Variants in ZFPM1 observed in about 807,000 individuals in gnomAD.
ZFPM1 encodes the protein zinc finger protein, FOG family member 1.
A neutral mutation model predicts 46.3 loss-of-function variants in ZFPM1; 28 were observed. The ratio of observed to expected loss-of-function variants is 0.60; its 90% CI spans 0.45 to 0.83. The LOEUF is 0.83. ZFPM1 is among the 40% of genes least tolerant of loss of function. The pLI is 0.00. For synonymous variants in ZFPM1, 957 were observed against 675.9 expected (o/e 1.42, Z -6.45); for missense variants, 1,878 against 1,432.4 (o/e 1.31, Z -5.02).
At chr16:88,485,437 G>C (rs894923610) in intron 1 of ZFPM1, among the ~76,000 whole-genome samples, 1 of 144,740 alleles carries the variant, frequency 6.9e-6, no homozygotes, top group African/African-American at 2.5e-5. Context: ...AGAATCATCA[G>C]GTCTTTTTTT....
At chr16:88,524,811 G>A (rs1219304197) in intron 4 of ZFPM1, among the ~76,000 whole-genome samples, 1 of 152,210 alleles carries the variant, frequency 6.6e-6, no homozygotes, top group African/African-American at 2.4e-5. Flanking sequence ...CCGCCCCTCT[G>A]TCCCCCCAAC....
intron 3 of ZFPM1, among the ~76,000 whole-genome samples, chr16:88,504,659 TG>T (rs1305578771): frequency 3.3e-5 from 5 of 152,126 alleles, no homozygotes; most frequent in Non-Finnish European, 1.5e-5. Context: ...ATGGCCCCCC[TG>T]TGTACCGTGG....
At chr16:88,468,891 T>C (rs1908284241) in intron 1 of ZFPM1, 1 of 152,944 alleles carries the variant, frequency 6.5e-6, no homozygotes, top group African/African-American at 2.4e-5. Flanking sequence ...GGGAGACCTC[T>C]GCCACCACCA....
chr16:88,453,702 C>T, intron 1 of ZFPM1, 24 bp downstream of exon 1: 1 of 1,185,944 alleles, frequency 8.4e-7, no homozygotes, highest in Non-Finnish European at 1.1e-6. Context: ...TGCCCGCGGT[C>T]CCCTCCGCGC....
At chr16:88,522,264 A>C (rs573185011) in intron 4 of ZFPM1, 1 of 152,376 alleles carries the variant, frequency 6.6e-6, no homozygotes, top group African/African-American at 2.4e-5. Flanking sequence ...TGGTCGAGGG[A>C]GACAGAGGCA....
chr16:88,505,000 G>A (rs561774146), intron 3 of ZFPM1, among the ~76,000 whole-genome samples: 1 of 152,358 alleles, frequency 6.6e-6, no homozygotes, highest in Admixed American at 6.5e-5. Flanking sequence ...GCCATTAGCT[G>A]GGGCCAGGGT....
chr16:88,473,977 A>G (rs1259623675), intron 1 of ZFPM1, among the ~76,000 whole-genome samples: 1 of 152,054 alleles, frequency 6.6e-6, no homozygotes, highest in Admixed American at 6.5e-5. Context: ...ATCAGTGGCT[A>G]TCAGGCCCAT....
At chr16:88,481,074 A>G (rs1326485639) in intron 1 of ZFPM1, among the ~76,000 whole-genome samples, 2 of 152,198 alleles carry the variant, frequency 1.3e-5, no homozygotes, top group African/African-American at 4.8e-5. Flanking sequence ...CCAATCAAAT[A>G]GCTATTATGT....
chr16:88,498,446 G>C (rs1317147601), intron 3 of ZFPM1, among the ~76,000 whole-genome samples: 2 of 152,244 alleles, frequency 1.3e-5, no homozygotes, highest in Non-Finnish European at 2.9e-5. Flanking sequence ...CCCGGGAGCA[G>C]TTAAGAGAAG....
chr16:88,455,378 G>C (rs1003265897), intron 1 of ZFPM1, among the ~76,000 whole-genome samples: 2 of 152,106 alleles, frequency 1.3e-5, no homozygotes, highest in Non-Finnish European at 2.9e-5. Context: ...TGCGGCCCGG[G>C]ACCGGGGCAG....
At chr16:88,477,828 C>T (rs1908753565) in intron 1 of ZFPM1, among the ~76,000 whole-genome samples, 1 of 152,268 alleles carries the variant, frequency 6.6e-6, no homozygotes, top group South Asian at 2.1e-4. Flanking sequence ...GGCCCCTGCA[C>T]AGCAGCCACC....
chr16:88,533,182 C>T lies in ZFPM1; in HGVS notation c.1224C>T (p.Ala408=). 1 of 1,527,218 alleles carries T rather than the reference C, an allele frequency of 6.5e-7. No homozygotes were observed. Among genetic ancestry groups the T allele is most frequent in the South Asian group, 1.3e-5 (1 of 79,148 alleles). 94.6% of individuals were successfully genotyped at this position (1,527,218 alleles called of 1,614,324 possible). ...GCAGCTTCCAGCAGCAGCACACGGCCCTGCAAGGCCCCCTGGCCTCCGCGG... is the reference window on the plus strand; with the variant it reads ...GCAGCTTCCAGCAGCAGCACACGGCTCTGCAAGGCCCCCTGGCCTCCGCGG... ...SLGSFQQQHT[A]LQGPLASADL... is the part of the protein sequence containing the mutation. The change falls in exon 10 of 10, where the codon GCC becomes GCT. Residue 408 remains alanine, a synonymous_variant. Coordinates refer to ENST00000319555, the MANE Select transcript of ZFPM1 (RefSeq NM_153813.3).
intron 1 of ZFPM1, among the ~76,000 whole-genome samples, chr16:88,483,710 T>C (rs1284983573): frequency 6.6e-6 from 1 of 152,144 alleles, no homozygotes; most frequent in African/African-American, 2.4e-5. Flanking sequence ...CACCCCTGCA[T>C]CCTGGAACGG....
chr16:88,461,601 A>C (rs1907894295), intron 1 of ZFPM1, among the ~76,000 whole-genome samples: 1 of 152,138 alleles, frequency 6.6e-6, no homozygotes, highest in Non-Finnish European at 1.5e-5. Context: ...TCCTAGGGAC[A>C]CGTCTGTGAG....
At chr16:88,512,791 C>A (rs1027288467) in intron 3 of ZFPM1, among the ~76,000 whole-genome samples, 2 of 152,120 alleles carry the variant, frequency 1.3e-5, no homozygotes, top group Non-Finnish European at 2.9e-5. Flanking sequence ...TCTCCCGTGC[C>A]CACCCCCGAG....
intron 1 of ZFPM1, among the ~76,000 whole-genome samples, chr16:88,474,676 T>A (rs1908592736): frequency 6.6e-6 from 1 of 152,190 alleles, no homozygotes; most frequent in Non-Finnish European, 1.5e-5. Context: ...CCACCCTGTC[T>A]GAAGCCAGCC....
chr16:88,518,503 A>G (rs974733815), intron 4 of ZFPM1, among the ~76,000 whole-genome samples: 9 of 149,648 alleles, frequency 6.0e-5, no homozygotes. Context: ...GTGTAGGTAG[A>G]TGGATTGACA....
At chr16:88,521,185 G>A (rs1464005225) in intron 4 of ZFPM1, among the ~76,000 whole-genome samples, 2 of 151,624 alleles carry the variant, frequency 1.3e-5, no homozygotes, top group African/African-American at 2.4e-5. Flanking sequence ...CCCCCATGCC[G>A]TTCCCTCCTC....
chr16:88,521,460 G>A (rs149062196), intron 4 of ZFPM1, among the ~76,000 whole-genome samples: 6 of 151,814 alleles, frequency 4.0e-5, no homozygotes, highest in African/African-American at 4.8e-5. Context: ...TCAGGCCATC[G>A]TGGGTCAGGG....
Sources: gnomAD v4.1 joint callset for allele counts (sites outside exome capture counted in the v4.1 genomes callset) on GRCh38, gnomAD v4.1.1 for gene constraint, MANE v1.5 for transcripts, NCBI Gene and HGNC (gene_info 2026-07-23, HGNC 2026-07-21) for gene names.